The following ZNF331 variants were observed in gnomAD, a reference collection of about 807,000 sequenced individuals.
ZNF331 encodes zinc finger protein 331.
ZNF331 carries 2 observed loss-of-function variants against 7.0 expected under a neutral mutation model. That is an observed-to-expected ratio of 0.29 (90% CI 0.12 to 0.90). The LOEUF (loss-of-function observed/expected upper bound fraction) is 0.90, where lower values mean the gene tolerates loss of function less well. Ranked by LOEUF, ZNF331 falls within the 40% of genes least tolerant of loss-of-function variation. The probability of loss-of-function intolerance (pLI) is 0.58; values close to 1 mark genes in which losing one functional copy is unlikely to be tolerated. For missense variants in ZNF331, 432 were observed against 587.7 expected (o/e 0.74, Z 2.74); for synonymous variants, 196 against 205.4 (o/e 0.95, Z 0.39).
Position 53,539,905 on chromosome 19 carries a change from A to G in ZNF331, c.-138+623A>G, listed in dbSNP as rs1298731880. On this transcript the variant is annotated intron_variant, in intron 2 of 5. Coordinates refer to ENST00000449416, the MANE Select transcript of ZNF331 (RefSeq NM_001079906.2). The surrounding 1 kb of genome is among the most constrained non-coding windows in gnomAD (Gnocchi z 6.1). ...ATTTCATGGAATACTCTGCAGCTACAAAGAAGTAAGTTTAGTTATAACCGT... is the reference window on the plus strand; with the variant it reads ...ATTTCATGGAATACTCTGCAGCTACGAAGAAGTAAGTTTAGTTATAACCGT... Among the ~76,000 whole-genome samples, 1 of 152,216 alleles carries G rather than the reference A, an allele frequency of 6.6e-6. No homozygotes were observed. The highest frequency in any genetic ancestry group is 1.5e-5 in the Non-Finnish European group (1 of 68,032).
intron 3 of ZNF331, among the ~76,000 whole-genome samples, chr19:53,564,415 G>A (rs899902994): frequency 2.6e-5 from 4 of 152,054 alleles, no homozygotes; most frequent in Non-Finnish European, 4.4e-5. Context: ...AAGAAGCTGG[G>A]ATTACAGGCA....
chr19:53,511,841 G>A, the ZNF331 span: 1 of 152,274 alleles, frequency 6.6e-6, no homozygotes, highest in South Asian at 2.1e-4. Flanking sequence ...ACTCTCAGGA[G>A]ACATCCAAAA....
rs1232391037 is a variant in ZNF331 at position 53,538,221 on chromosome 19, T to A, written c.-280T>A. Reference sequence around the variant, plus strand: ...TGACACGGGTGCACGCGAGCGTCATTGGGGGCGATGGGGGCCGTGCTGGGT... The same window carrying A: ...TGACACGGGTGCACGCGAGCGTCATAGGGGGCGATGGGGGCCGTGCTGGGT... On this transcript the variant is annotated 5_prime_UTR_variant, in exon 1 of 6. Coordinates refer to ENST00000449416, the MANE Select transcript of ZNF331 (RefSeq NM_001079906.2). 1 of 152,030 alleles carries A rather than the reference T, an allele frequency of 6.6e-6. No homozygotes were observed. Among genetic ancestry groups the A allele is most frequent in the African/African-American group, 2.4e-5 (1 of 41,344 alleles). 9.4% of individuals were successfully genotyped at this position (152,030 alleles called of 1,614,324 possible).
chr19:53,517,813 G>GC (rs1206142598), upstream of ZNF331, among the ~76,000 whole-genome samples: 1 of 152,170 alleles, frequency 6.6e-6, no homozygotes, highest in Non-Finnish European at 1.5e-5. Flanking sequence ...AGGCCCGAGA[G>GC]CCCCCAGCAA....
chr19:53,563,081 CCA>C (rs1303539680), intron 3 of ZNF331, among the ~76,000 whole-genome samples: 1 of 150,850 alleles, frequency 6.6e-6, no homozygotes, highest in African/African-American at 2.4e-5. Flanking sequence ...TGGCTGGATT[CCA>C]CACCCCCCCA....
intron 3 of ZNF331, among the ~76,000 whole-genome samples, chr19:53,557,391 A>G (rs2089504470): frequency 6.6e-6 from 1 of 152,196 alleles, no homozygotes; most frequent in Non-Finnish European, 1.5e-5. Context: ...ACATGGTGAA[A>G]GGGAGCTGAG....
In ZNF331 at chr19:53,571,471, C is replaced by A; in HGVS notation, c.10-133C>A. On this transcript the variant is annotated intron_variant, in intron 4 of 5. Transcript: ENST00000449416. This position sits in a 1 kb window ranked among gnomAD's most constrained non-coding sequence, Gnocchi z 4.7. ...CGTCACAGTTACAGTGATGTCCTTA[C>A]CGCCCCTTGCCGATGTCACGGGTGT... 4 of 1,101,916 alleles carry A rather than the reference C, an allele frequency of 3.6e-6. No homozygotes were observed. The highest frequency in any genetic ancestry group is 5.3e-6 in the Non-Finnish European group (4 of 758,180). 68.3% of individuals were successfully genotyped at this position (1,101,916 alleles called of 1,614,324 possible). A position where few individuals can be genotyped will look rare whatever the true frequency, so the allele number is the denominator to read the frequency against.
chr19:53,524,288 A>T (rs1338248788), intron 2 of ZNF331, among the ~76,000 whole-genome samples: 18 of 152,162 alleles, frequency 1.2e-4, no homozygotes, highest in Admixed American at 1.2e-3. Flanking sequence ...CAGTTATGGG[A>T]TTGCTGGGTC....
At chr19:53,565,993 G>A (rs765473251) in intron 3 of ZNF331, among the ~76,000 whole-genome samples, 39 of 152,332 alleles carry the variant, frequency 2.6e-4, no homozygotes, top group Non-Finnish European at 4.3e-4. Flanking sequence ...ATCACGGGGT[G>A]TGTCAGGAGC....
chr19:53,559,887 A>T (rs1031769644), intron 3 of ZNF331, among the ~76,000 whole-genome samples: 3 of 150,744 alleles, frequency 2.0e-5, no homozygotes, highest in Non-Finnish European at 1.5e-5. Context: ...ATACACACAC[A>T]TGCCATACAC....
the ZNF331 span, among the ~76,000 whole-genome samples, chr19:53,505,545 G>C: frequency 1.3e-5 from 2 of 152,174 alleles, no homozygotes; most frequent in South Asian, 4.1e-4. Flanking sequence ...AGTCACCAAC[G>C]TACGTGGATT....
At chr19:53,559,536 G>A (rs115292158) in intron 3 of ZNF331, among the ~76,000 whole-genome samples, 2,256 of 134,128 alleles carry the variant, frequency 0.017, 43 homozygotes, top group African/African-American at 0.05. Context: ...ATACACACAC[G>A]CCATATATAC....
At chr19:53,574,547 C>T (rs74836775) in intron 5 of ZNF331, among the ~76,000 whole-genome samples, 2 of 151,828 alleles carry the variant, frequency 1.3e-5, no homozygotes, top group African/African-American at 4.8e-5. Context: ...CCTTTAGTAG[C>T]GGGTAGAGGT....
chr19:53,568,897 C>T (rs977310547), intron 3 of ZNF331, among the ~76,000 whole-genome samples: 3 of 137,218 alleles, frequency 2.2e-5, no homozygotes, highest in Middle Eastern at 5.3e-3. Flanking sequence ...GCTCTGTCAC[C>T]AGAGGCTGGA....
upstream of ZNF331, among the ~76,000 whole-genome samples, chr19:53,517,407 C>A (rs1437872127): frequency 6.6e-6 from 1 of 152,130 alleles, no homozygotes; most frequent in African/African-American, 2.4e-5. Context: ...CAGTCCTCCC[C>A]ACAGGACTCT....
intron 5 of ZNF331, among the ~76,000 whole-genome samples, chr19:53,574,214 G>A (rs1217857292): frequency 6.6e-6 from 1 of 152,146 alleles, no homozygotes; most frequent in Non-Finnish European, 1.5e-5. Flanking sequence ...TTAAAGGAGG[G>A]CATATAATTT....
At chr19:53,510,088 G>T in the ZNF331 span, among the ~76,000 whole-genome samples, 2 of 152,162 alleles carry the variant, frequency 1.3e-5, no homozygotes, top group African/African-American at 2.4e-5. Flanking sequence ...ATGAGATTTG[G>T]GTGGGGACAC....
Position 53,576,939 on chromosome 19 carries a change from AAGG to A in ZNF331, c.382_384del (p.Glu128del), listed in dbSNP as rs1160567225. On this transcript the variant is annotated inframe_deletion, in exon 6 of 6. Coordinates refer to ENST00000449416, the MANE Select transcript of ZNF331 (RefSeq NM_001079906.2). Reference sequence around the variant, plus strand: ...TCCTAGAACACATCAGAGACATCATAAGGAGAATTCCTTTGAATGTAAGGACTG... The same window carrying A: ...TCCTAGAACACATCAGAGACATCATAAGAATTCCTTTGAATGTAAGGACTG... The A allele has an allele frequency of 4.3e-6, 7 of 1,614,104 alleles. No individual in the cohort carries two copies. The highest frequency in any genetic ancestry group is 5.9e-6 in the Non-Finnish European group (7 of 1,180,054).
intron 5 of ZNF331, among the ~76,000 whole-genome samples, chr19:53,572,461 C>G (rs2090490623): frequency 6.6e-6 from 1 of 151,372 alleles, no homozygotes; most frequent in East Asian, 1.9e-4. Flanking sequence ...CCACTGTACT[C>G]CAGGCTGGGT....
Sources: allele counts gnomAD v4.1 joint callset (sites outside exome capture counted in the v4.1 genomes callset), GRCh38; gene constraint gnomAD v4.1.1; non-coding constraint Gnocchi (gnomAD v3.1); transcripts MANE v1.5; gene names NCBI Gene and HGNC (gene_info 2026-07-23, HGNC 2026-07-21).